Variants in MYOM2 observed in about 807,000 individuals in gnomAD.
MYOM2 encodes myomesin 2.
A neutral mutation model predicts 187.6 loss-of-function variants in MYOM2; 254 were observed. That is an observed-to-expected ratio of 1.35 (90% CI 1.22 to 1.50). The LOEUF is 1.50. Among genes scored for constraint, MYOM2 ranks in the 40% most tolerant of loss-of-function variants. MYOM2 has a pLI of 0.00. For missense variants in MYOM2, 2,796 were observed against 1,924.0 expected, an observed-to-expected ratio of 1.45 and a Z score of -8.48; for synonymous variants, 981 against 753.8, an observed-to-expected ratio of 1.30 and a Z score of -4.94.
intron 6 of MYOM2, among the ~76,000 whole-genome samples, chr8:2,062,400 G>C (rs1333277870): frequency 6.6e-6 from 1 of 152,190 alleles, no homozygotes; most frequent in Non-Finnish European, 1.5e-5. Context: ...GCGGGAGGGA[G>C]CAGGGGAGTG....
intron 10 of MYOM2, among the ~76,000 whole-genome samples, chr8:2,075,818 G>A (rs1040045972): frequency 5.3e-5 from 8 of 152,124 alleles, no homozygotes; most frequent in African/African-American, 1.7e-4. Flanking sequence ...TGTTTCATCC[G>A]CACATTTTTG....
At chr8:2,133,316 T>G (rs1034044755) in intron 32 of MYOM2, among the ~76,000 whole-genome samples, 22 of 152,206 alleles carry the variant, frequency 1.4e-4, no homozygotes, top group Admixed American at 1.4e-3. Context: ...ACATTTCCCT[T>G]CAAAAGGGGA....
Position 2,092,504 on chromosome 8 carries a change from C to G in MYOM2, c.1987C>G (p.Pro663Ala). 1.2e-6 allele frequency: 2 copies of G among 1,614,066 alleles called. No individual in the cohort carries two copies. Among genetic ancestry groups the G allele is most frequent in the Non-Finnish European group, 1.7e-6 (2 of 1,180,000 alleles). ...CCTCTGGGAGCCCTGCAACCACAAG[C>G]CCATCGGATACAACAGGTGCGGCCT... ...TNLWEPCNHK[P>A]IGYNRFVVHG... The change falls in exon 16 of 37, where the codon CCC becomes GCC. Residue 663 changes from proline (P) to alanine (A), a missense_variant. Coordinates refer to ENST00000262113, the MANE Select transcript of MYOM2 (RefSeq NM_003970.4).
At chr8:2,098,216 G>T (rs557172179) in intron 18 of MYOM2, 1 of 152,372 alleles carries the variant, frequency 6.6e-6, no homozygotes, top group African/African-American at 2.4e-5. Context: ...TTTTGAGACA[G>T]TGTTTACCCA....
At chr8:2,097,503 T>C (rs1796535091) in intron 18 of MYOM2, among the ~76,000 whole-genome samples, 1 of 152,158 alleles carries the variant, frequency 6.6e-6, no homozygotes, top group Non-Finnish European at 1.5e-5. Context: ...ACATTTAAAA[T>C]CTATTTATTT....
intron 14 of MYOM2, among the ~76,000 whole-genome samples, chr8:2,086,198 GC>G (rs1796033048): frequency 6.0e-5 from 2 of 33,186 alleles, no homozygotes; most frequent in Non-Finnish European, 1.3e-4. Flanking sequence ...CATGATCTCT[GC>G]GTGGCCCCAC....
intron 1 of MYOM2, 94 bp downstream of exon 1, chr8:2,045,262 C>G (rs955108257): frequency 6.6e-6 from 1 of 152,268 alleles, no homozygotes; most frequent in Admixed American, 6.5e-5. Flanking sequence ...ACCTCTACTT[C>G]AGGGTCAAGA....
chr8:2,099,641 A>C (rs1796615818), intron 19 of MYOM2, among the ~76,000 whole-genome samples: 1 of 151,932 alleles, frequency 6.6e-6, no homozygotes, highest in African/African-American at 2.4e-5. Flanking sequence ...GCTGGTCTTG[A>C]ACTCCTGGGC....
chr8:2,102,772 G>A lies in MYOM2; in HGVS notation c.2725G>A (p.Ala909Thr), dbSNP rs761629305. Reference protein sequence around the residue: ...SDTSEPVLVEARPGTKEISAG... With the variant: ...SDTSEPVLVETRPGTKEISAG... ...CACGTCGGAGCCTGTGCTGGTAGAG[G>A]CGAGACCAGGTAAGGCTTACAACAA... Residue 909 changes from alanine to threonine, a missense_variant, in exon 21 of 37, where the codon GCG becomes ACG. Coordinates refer to ENST00000262113, the MANE Select transcript of MYOM2 (RefSeq NM_003970.4). 1.9e-6 allele frequency: 3 copies of A among 1,613,188 alleles called. No individual in the cohort carries two copies. The highest frequency in any genetic ancestry group is 2.5e-6 in the Non-Finnish European group (3 of 1,179,160).
chr8:2,125,401 TATTTAGTTTC>T, intron 31 of MYOM2, among the ~76,000 whole-genome samples: 1 of 152,188 alleles, frequency 6.6e-6, no homozygotes, highest in East Asian at 1.9e-4. Flanking sequence ...TGACCATCAA[TATTTAGTTTC>T]ATTTCTGGGC....
chr8:2,116,889 C>A (rs902133973), intron 27 of MYOM2, among the ~76,000 whole-genome samples: 8 of 152,060 alleles, frequency 5.3e-5, no homozygotes, highest in Non-Finnish European at 1.5e-5. Flanking sequence ...TCCCGAATAG[C>A]TGGGACTACA....
rs1346788773 is a variant in MYOM2, at chr8:2,092,389, C to G, written c.1872C>G (p.Thr624=). The G allele has an allele frequency of 2.5e-6, 4 of 1,614,028 alleles. No homozygotes were observed. Among genetic ancestry groups the G allele is most frequent in the African/African-American group, 1.3e-5 (1 of 74,914 alleles). The change falls in exon 16 of 37, where the codon ACC becomes ACG. Residue 624 remains threonine (T), a synonymous_variant. Coordinates refer to ENST00000262113, the MANE Select transcript of MYOM2 (RefSeq NM_003970.4). The part of the protein sequence containing the change: ...APGRVLASRN[T]KTSVVVQWDR... ...GTCGGGTTCTTGCTTCCCGAAACAC[C>G]AAGACGTCGGTGGTGGTGCAGTGGG...
At chr8:2,063,432 A>C (rs552626960) in intron 6 of MYOM2, among the ~76,000 whole-genome samples, 5 of 152,166 alleles carry the variant, frequency 3.3e-5, no homozygotes, top group African/African-American at 1.2e-4. Context: ...TGTAATTGAC[A>C]CTGTTTTATA....
intron 12 of MYOM2, 102 bp from the exon 13 acceptor site, chr8:2,079,458 T>C: frequency 3.6e-6 from 4 of 1,122,578 alleles, no homozygotes; most frequent in Non-Finnish European, 2.7e-6. Flanking sequence ...CAGGTTGTAG[T>C]CCTAATGCAG....
intron 13 of MYOM2, among the ~76,000 whole-genome samples, chr8:2,083,477 CAT>C (rs1819704297): frequency 6.6e-6 from 1 of 152,130 alleles, no homozygotes; most frequent in African/African-American, 2.4e-5. Flanking sequence ...CACCATCTCG[CAT>C]ATGTCTAATG....
chr8:2,118,061 G>A (rs1797307357), intron 28 of MYOM2, 109 bp downstream of exon 28: 10 of 929,832 alleles, frequency 1.1e-5, no homozygotes, highest in Middle Eastern at 2.2e-4. Context: ...GTGAGGAAAC[G>A]TGTGGTGCCT....
chr8:2,124,575 C>T (rs1388228597), intron 31 of MYOM2, among the ~76,000 whole-genome samples: 4 of 152,178 alleles, frequency 2.6e-5, no homozygotes, highest in African/African-American at 4.8e-5. Flanking sequence ...TCTCACTTTG[C>T]GTCGTACACA....
At chr8:2,128,005 ATGT>A (rs1021892407) in intron 31 of MYOM2, 4 of 152,170 alleles carry the variant, frequency 2.6e-5, no homozygotes, top group Non-Finnish European at 4.4e-5. Context: ...AATACCGTTC[ATGT>A]TGTTTTTTTC....
rs1798416000 is a variant in MYOM2 at position 2,145,053 on chromosome 8, T to G, written c.*72T>G. 6.5e-7 allele frequency: 1 copy of G among 1,530,228 alleles called. No individual in the cohort carries two copies. The highest frequency in any genetic ancestry group is 2.0e-5 in the Admixed American group (1 of 48,852). The allele number at this position is 1,530,228 out of a possible 1,614,324, so 94.8% of individuals were successfully genotyped here. On this transcript the variant is annotated 3_prime_UTR_variant, in exon 37 of 37. Transcript: ENST00000262113. The stretch of plus-strand genomic sequence containing the variant: ...AGGAATGCTGTGTGCTTGTTCCAAA[T>G]GAGCAGCTGGCATCCGAGTGGTGTC...
Sources: gnomAD v4.1 joint callset for allele counts (sites outside exome capture counted in the v4.1 genomes callset) on GRCh38, gnomAD v4.1.1 for gene constraint, MANE v1.5 for transcripts, NCBI Gene and HGNC (gene_info 2026-07-23, HGNC 2026-07-21) for gene names.